NTM: variants seen among roughly 807,000 people sequenced by gnomAD.
NTM encodes the protein neurotrimin.
A neutral mutation model predicts 42.1 loss-of-function variants in NTM; 13 were observed. The ratio of observed to expected loss-of-function variants is 0.31; its 90% CI spans 0.20 to 0.49. The LOEUF (loss-of-function observed/expected upper bound fraction) is 0.49, where lower values mean the gene tolerates loss of function less well. NTM is among the 20% of genes least tolerant of loss of function. The pLI, the probability that NTM is intolerant of heterozygous loss-of-function variation, is 0.99. For missense variants in NTM, 373 were observed against 452.8 expected (o/e 0.82, Z 1.60); for synonymous variants, 187 against 179.2 (o/e 1.04, Z -0.35).
At chr11:131,416,884 A>G (rs1032822029) in intron 1 of NTM, among the ~76,000 whole-genome samples, 1 of 152,240 alleles carries the variant, frequency 6.6e-6, no homozygotes, top group Non-Finnish European at 1.5e-5. Context: ...TGTTGTTCTC[A>G]TTATATCCTT....
At chr11:132,245,376 G>A (rs560927377) in intron 4 of NTM, among the ~76,000 whole-genome samples, 15 of 152,264 alleles carry the variant, frequency 9.9e-5, no homozygotes, top group Admixed American at 2.6e-4. Flanking sequence ...TAGAGAAGTG[G>A]AGGGCCAGGT....
chr11:131,652,474 C>T (rs890696271), intron 1 of NTM, among the ~76,000 whole-genome samples: 21 of 152,300 alleles, frequency 1.4e-4, no homozygotes, highest in Middle Eastern at 3.4e-3. Context: ...GACAGAAGAA[C>T]GAGAGGCTTC....
intron 4 of NTM, among the ~76,000 whole-genome samples, chr11:132,266,479 C>T (rs986580080): frequency 4.6e-5 from 7 of 152,146 alleles, no homozygotes; most frequent in Admixed American, 4.6e-4. Context: ...CAACCTCTAT[C>T]TAAATATGAT....
chr11:131,842,682 G>T (rs1188575764), intron 1 of NTM, among the ~76,000 whole-genome samples: 1 of 152,130 alleles, frequency 6.6e-6, no homozygotes, highest in Non-Finnish European at 1.5e-5. Context: ...AATCCAAAAT[G>T]TTTTAGGCAA....
intron 1 of NTM, among the ~76,000 whole-genome samples, chr11:131,499,061 G>A (rs364557): frequency 0.21 from 32,187 of 151,914 alleles, 3,595 homozygotes; most frequent in African/African-American, 0.29. Context: ...GAGTCCAGTC[G>A]CGTTAAACAA....
Position 132,081,416 on chromosome 11 carries a change from G to C in NTM, c.168-64866G>C, listed in dbSNP as rs554403921. Among the ~76,000 whole-genome samples the C allele has an allele frequency of 2.0e-5, 3 of 152,218 alleles. No individual in the cohort carries two copies. The South Asian group carries it at 6.2e-4, about 32-fold the overall frequency. On this transcript the variant is annotated intron_variant, in intron 2 of 8. Coordinates refer to ENST00000683400, the MANE Select transcript of NTM (RefSeq NM_001352005.2). ...TAAGACCTTTTTTCCTATCCTAAGA[G>C]GATGGACAATACATCTTCAAAAGCC...
At position 131,954,558 on chromosome 11, in the gene NTM, C is replaced by G. The variant is rs556871713; in HGVS notation, c.167+42910C>G. Among the ~76,000 whole-genome samples, 3 of 152,316 alleles carry G rather than the reference C, an allele frequency of 2.0e-5. No homozygotes were observed. The South Asian group carries it at 6.2e-4, about 32-fold the overall frequency. On this transcript the variant is annotated intron_variant, in intron 2 of 8. Coordinates refer to ENST00000683400, the MANE Select transcript of NTM (RefSeq NM_001352005.2). ...CTGTCCATCAGCGCCTCCCAGGGAA[C>G]CTGCGTGTCTGATTGAAGTAATTTC...
At chr11:131,559,153 G>T (rs2055867816) in intron 1 of NTM, among the ~76,000 whole-genome samples, 1 of 152,180 alleles carries the variant, frequency 6.6e-6, no homozygotes, top group Non-Finnish European at 1.5e-5. Context: ...ACTTCCCACG[G>T]CCAGCGTGTT....
rs1453719580 is a variant in NTM at position 131,506,724 on chromosome 11, TGG to T, written c.82+135838_82+135839del. Among the ~76,000 whole-genome samples the T allele has an allele frequency of 4.6e-5, 7 of 152,310 alleles. 1 individual carries two copies. The East Asian group carries it at 1.4e-3, about 29-fold the overall frequency. On this transcript the variant is annotated intron_variant, in intron 1 of 8. Transcript: ENST00000683400. ...TGATGGGAAGGAGGCAGTAGGCCCCTGGGAAAAGTGCTCTTCACTTCCTCTCC... is the reference window on the plus strand; with the variant it reads ...TGATGGGAAGGAGGCAGTAGGCCCCTGAAAAGTGCTCTTCACTTCCTCTCC...
chr11:131,761,085 C>A (rs4937652), intron 1 of NTM, among the ~76,000 whole-genome samples: 8 of 151,774 alleles, frequency 5.3e-5, no homozygotes, highest in Non-Finnish European at 1.2e-4. Context: ...GCAGGGGAAG[C>A]GGGGAGGACA....
intron 1 of NTM, among the ~76,000 whole-genome samples, chr11:131,395,505 G>C (rs775570121): frequency 6.6e-6 from 1 of 151,720 alleles, no homozygotes; most frequent in Non-Finnish European, 1.5e-5. Context: ...TCTGAGACTT[G>C]GATTTATCAT....
At chr11:132,086,323 C>CAAAAAAAAA (rs71067358) in intron 2 of NTM, among the ~76,000 whole-genome samples, 3 of 98,978 alleles carry the variant, frequency 3.0e-5, no homozygotes, top group South Asian at 3.9e-4. Flanking sequence ...GACTCCATGT[C>CAAAAAAAAA]AAAAAAAAAA....
intron 1 of NTM, among the ~76,000 whole-genome samples, chr11:131,513,911 A>G (rs1376822588): frequency 6.6e-6 from 1 of 152,114 alleles, no homozygotes; most frequent in Non-Finnish European, 1.5e-5. Flanking sequence ...GGGGAAGAGA[A>G]GCAAATGTCC....
At chr11:132,072,562 A>G (rs2057830561) in intron 2 of NTM, among the ~76,000 whole-genome samples, 1 of 152,206 alleles carries the variant, frequency 6.6e-6, no homozygotes, top group African/African-American at 2.4e-5. Flanking sequence ...TATTTTCAGA[A>G]AAATACTAAG....
intron 1 of NTM, among the ~76,000 whole-genome samples, chr11:131,571,413 A>T (rs905875664): frequency 2.0e-4 from 30 of 152,146 alleles, no homozygotes; most frequent in Admixed American, 5.9e-4. Flanking sequence ...CCAGGAGAAA[A>T]CTGAGCTTTC....
At chr11:131,388,090 C>G (rs887880660) in intron 1 of NTM, among the ~76,000 whole-genome samples, 1 of 152,142 alleles carries the variant, frequency 6.6e-6, no homozygotes, top group Non-Finnish European at 1.5e-5. Context: ...GTTGGGAGCT[C>G]TTTCTGGAAG....
chr11:131,477,817 C>T (rs145525026), intron 1 of NTM, among the ~76,000 whole-genome samples: 3 of 151,688 alleles, frequency 2.0e-5, no homozygotes, highest in South Asian at 2.1e-4. Flanking sequence ...CCTTGTCCAT[C>T]AGAAGTCCAA....
Position 132,240,981 on chromosome 11 carries a change from A to C in NTM, c.526+28834A>C, listed in dbSNP as rs375513882. On this transcript the variant is annotated intron_variant, in intron 4 of 8. Transcript: ENST00000683400. ...AAAATTCCACACCTGACTTCATGTG[A>C]GAGGTCACAGTCAAAACGCAGCCAA... 2.6e-5 allele frequency among the ~76,000 whole-genome samples: 4 copies of C among 152,226 alleles called. No homozygotes were observed. The East Asian group carries it at 7.7e-4, about 29-fold the overall frequency.
rs189935989 is a variant in NTM at position 131,621,892 on chromosome 11, C to T, written c.82+251004C>T. Among the ~76,000 whole-genome samples, 210 of 150,458 alleles carry T rather than the reference C, an allele frequency of 1.4e-3. 2 individuals are homozygous for T. Among genetic ancestry groups the T allele is most frequent in the South Asian group, 6.3e-4 (3 of 4,752 alleles). On this transcript the variant is annotated intron_variant, in intron 1 of 8. Coordinates refer to ENST00000683400, the MANE Select transcript of NTM (RefSeq NM_001352005.2). ...AGAATTATTTCTATGTGGAAGCTTTCGAGAAACAGGGCCAATATTTGGGGG... is the reference window on the plus strand; with the variant it reads ...AGAATTATTTCTATGTGGAAGCTTTTGAGAAACAGGGCCAATATTTGGGGG...
Sources: allele counts gnomAD v4.1 joint callset (sites outside exome capture counted in the v4.1 genomes callset), GRCh38; gene constraint gnomAD v4.1.1; transcripts MANE v1.5; gene names NCBI Gene and HGNC (gene_info 2026-07-23, HGNC 2026-07-21).